Variants in OTUD4 observed in about 807,000 individuals in gnomAD.
OTUD4 encodes the protein OTU domain-containing protein 4.
A neutral mutation model predicts 130.4 loss-of-function variants in OTUD4; 24 were observed. The observed-to-expected ratio is 0.18, with a 90% CI of 0.13 to 0.26. The LOEUF (loss-of-function observed/expected upper bound fraction) is 0.26, where lower values mean the gene tolerates loss of function less well. OTUD4 is among the 10% of genes least tolerant of loss of function. OTUD4 has a pLI of 1.00. For missense variants in OTUD4, 1,031 were observed against 1,329.4 expected, an observed-to-expected ratio of 0.78 and a Z score of 3.49; for synonymous variants, 420 against 472.5, an observed-to-expected ratio of 0.89 and a Z score of 1.44.
chr4:145,157,288 T>C (rs560196003), intron 7 of OTUD4, among the ~76,000 whole-genome samples: 1 of 152,300 alleles, frequency 6.6e-6, no homozygotes, highest in African/African-American at 2.4e-5. Flanking sequence ...TCATCTTGAA[T>C]TGTAATACTC....
At chr4:145,162,128 A>G (rs545158347) in intron 6 of OTUD4, among the ~76,000 whole-genome samples, 22 of 152,224 alleles carry the variant, frequency 1.4e-4, no homozygotes, top group Admixed American at 3.3e-4. Flanking sequence ...ATGCGCCACC[A>G]TGCCCAGCTA....
chr4:145,160,219 G>A (rs920936808), intron 6 of OTUD4, among the ~76,000 whole-genome samples: 5 of 152,262 alleles, frequency 3.3e-5, no homozygotes, highest in Non-Finnish European at 7.4e-5. Context: ...TTGTAACCTT[G>A]GACGAGCACT....
intron 5 of OTUD4, 142 bp downstream of exon 5, chr4:145,164,012 G>C (rs1001808229): frequency 1.9e-6 from 1 of 524,842 alleles, no homozygotes; most frequent in Non-Finnish European, 3.5e-6. Context: ...CCGGCTATAG[G>C]AACTTTTAAG....
chr4:145,157,344 G>A (rs916611932), intron 7 of OTUD4, among the ~76,000 whole-genome samples: 2 of 152,122 alleles, frequency 1.3e-5, no homozygotes, highest in Non-Finnish European at 2.9e-5. Context: ...TGAATCATGT[G>A]GGTGGTTTCC....
At chr4:145,161,897 C>G (rs1407014225) in intron 6 of OTUD4, among the ~76,000 whole-genome samples, 2 of 152,024 alleles carry the variant, frequency 1.3e-5, no homozygotes, top group Non-Finnish European at 2.9e-5. Flanking sequence ...AAAATGATTG[C>G]AGGAAAAAAA....
chr4:145,179,491 G>A, intron 1 of OTUD4: 1 of 603,400 alleles, frequency 1.7e-6, no homozygotes, highest in Non-Finnish European at 2.2e-6. Context: ...CGGAACAAAA[G>A]TAAAAAATAT....
chr4:145,164,047 A>G (rs112669902), intron 5 of OTUD4, 107 bp downstream of exon 5: 319 of 618,436 alleles, frequency 5.2e-4, no homozygotes, highest in African/African-American at 4.4e-3. Flanking sequence ...TAACCTTAAT[A>G]CAGAAATATT....
chr4:145,147,357 G>A (rs575870015), intron 13 of OTUD4, among the ~76,000 whole-genome samples: 6 of 151,918 alleles, frequency 3.9e-5, no homozygotes, highest in South Asian at 2.1e-4. Flanking sequence ...TAATGGTATC[G>A]ATGAAAAAAG....
chr4:145,173,112 C>T (rs1282999103), intron 2 of OTUD4, among the ~76,000 whole-genome samples: 1 of 152,196 alleles, frequency 6.6e-6, no homozygotes, highest in Non-Finnish European at 1.5e-5. Flanking sequence ...TGGACTAAGG[C>T]CAGGCACGGT....
At position 145,146,444 on chromosome 4, in the gene OTUD4, A is replaced by G; in HGVS notation, c.1260-15T>C. On this transcript the variant is annotated splice_polypyrimidine_tract_variant and intron_variant, in intron 13 of 20. Coordinates refer to ENST00000447906, the MANE Select transcript of OTUD4 (RefSeq NM_001366057.1). ...GATCAGGTTTTCTGTCAAATAAAAC[A>G]TTCTTGTCAGAAAATACATAAATAA... The G allele has an allele frequency of 6.9e-7, 1 of 1,442,346 alleles. No homozygotes were observed. The highest frequency in any genetic ancestry group is 2.5e-5 in the East Asian group (1 of 39,856). The allele number at this position is 1,442,346 out of a possible 1,614,324, so 89.3% of individuals were successfully genotyped here.
intron 7 of OTUD4, 39 bp downstream of exon 7, chr4:145,159,464 T>C (rs751094654): frequency 5.0e-6 from 8 of 1,611,072 alleles, no homozygotes; most frequent in South Asian, 2.2e-5. Context: ...ACTTTCCTTG[T>C]ATGGCACTAA....
chr4:145,167,539 A>C (rs1309588410), intron 3 of OTUD4, among the ~76,000 whole-genome samples: 1 of 152,198 alleles, frequency 6.6e-6, no homozygotes, highest in African/African-American at 2.4e-5. Context: ...ATTTTTATAC[A>C]AGAAGTATTA....
intron 2 of OTUD4, among the ~76,000 whole-genome samples, chr4:145,173,687 A>C (rs1240037103): frequency 1.3e-5 from 2 of 152,176 alleles, no homozygotes; most frequent in Non-Finnish European, 2.9e-5. Flanking sequence ...CTACCAGTCA[A>C]CTGGGGGAAA....
At chr4:145,179,680 G>A in intron 1 of OTUD4, 135 bp downstream of exon 1, 2 of 1,405,204 alleles carry the variant, frequency 1.4e-6, no homozygotes, top group South Asian at 1.6e-5. Flanking sequence ...GTTACAATGG[G>A]GCGCTGTGAC....
intron 3 of OTUD4, 26 bp from the exon 4 acceptor site, chr4:145,165,223 T>C (rs1361153023): frequency 1.3e-6 from 2 of 1,556,628 alleles, no homozygotes; most frequent in East Asian, 2.2e-5. Flanking sequence ...AAAGGTGGCA[T>C]GTAAGTGTCT....
At position 145,137,360 on chromosome 4, in the gene OTUD4, T is replaced by A. The variant is rs1750327445; in HGVS notation, c.*70A>T. On this transcript the variant is annotated 3_prime_UTR_variant, in exon 21 of 21. Transcript: ENST00000447906. ...TCCAACTGCGGTTTTTACTTTATTG[T>A]ATTTTTTTTAAAGCCTTCAGAAACA... 2.3e-6 allele frequency: 3 copies of A among 1,332,290 alleles called. No homozygotes were observed. The East Asian group carries it at 6.9e-5, about 31-fold the overall frequency. 82.5% of individuals were successfully genotyped at this position (1,332,290 alleles called of 1,614,324 possible).
chr4:145,146,276 TG>T lies in OTUD4; in HGVS notation c.1412del (p.Pro471GlnfsTer27). On this transcript the variant is annotated frameshift_variant, in exon 14 of 21. Transcript: ENST00000447906. LOFTEE classifies it high-confidence loss of function. Reference protein sequence around the residue: ...EIQNRDEQAFPALSSSSVNQS... With the variant: ...EIQNRDEQAFXALSSSSVNQS... ...GTCTTTTCATACATACGGAAAGGGC[TG>T]GGAAAGCCTGTTCATCTCTGTTCTG... The T allele has an allele frequency of 6.5e-7, 1 of 1,543,186 alleles. No individual in the cohort carries two copies. Among genetic ancestry groups the T allele is most frequent in the African/African-American group, 1.4e-5 (1 of 71,420 alleles).
chr4:145,146,501 C>CAAA (rs369472707), intron 13 of OTUD4, 72 bp from the exon 14 acceptor site: 2 of 594,866 alleles, frequency 3.4e-6, no homozygotes, highest in Non-Finnish European at 2.3e-6. Context: ...ACATTCTTGT[C>CAAA]AAAAAAAAAA....
In OTUD4 at chr4:145,138,280, C is replaced by T; in HGVS notation, c.2495G>A (p.Ser832Asn). 2 of 1,613,996 alleles carry T rather than the reference C, an allele frequency of 1.2e-6. No individual in the cohort carries two copies. The highest frequency in any genetic ancestry group is 1.7e-6 in the Non-Finnish European group (2 of 1,179,910). The change falls in exon 21 of 21, where the codon AGT becomes AAT. Residue 832 changes from serine (S) to asparagine (N), a missense_variant. Transcript: ENST00000447906. ...TGGCTGGGGGAACATATTCTTGCCA[C>T]TTAGTGACTCTTCATAATCAGCATG... ...LLHADYEESL[S>N]GKNMFPQPSF...
Sources: allele counts gnomAD v4.1 joint callset (sites outside exome capture counted in the v4.1 genomes callset), GRCh38; gene constraint gnomAD v4.1.1; transcripts MANE v1.5; gene names NCBI Gene and HGNC (gene_info 2026-07-23, HGNC 2026-07-21).